CNTNAP2: variants seen among roughly 807,000 people sequenced by gnomAD.
The protein encoded by CNTNAP2 is contactin-associated protein-like 2.
Under a neutral mutation model 155.2 loss-of-function variants are expected in CNTNAP2, and 98 were observed. The ratio of observed to expected loss-of-function variants is 0.63; its 90% CI spans 0.54 to 0.75. The LOEUF (loss-of-function observed/expected upper bound fraction) is 0.75, where lower values mean the gene tolerates loss of function less well. CNTNAP2 is among the 30% of genes least tolerant of loss of function. The pLI is 0.00. For missense variants in CNTNAP2, 1,727 were observed against 1,688.1 expected, an observed-to-expected ratio of 1.02 and a Z score of -0.40; for synonymous variants, 651 against 631.2, an observed-to-expected ratio of 1.03 and a Z score of -0.47.
chr7:148,296,545 C>CAAAAAAAAAAAAA lies in CNTNAP2; in HGVS notation c.3475+29430_3475+29442dup, dbSNP rs143609414. On this transcript the variant is annotated intron_variant, in intron 21 of 23. Transcript: ENST00000361727. ...TGGGAAACAGAGCAAGACTCTGTCT[C>CAAAAAAAAAAAAA]AAAAAAAAAAAAAAAAAAAAAAATT... 2.5e-3 allele frequency among the ~76,000 whole-genome samples: 190 copies of CAAAAAAAAAAAAA among 76,568 alleles called. 11 individuals are homozygous for CAAAAAAAAAAAAA. Among genetic ancestry groups the CAAAAAAAAAAAAA allele is most frequent in the East Asian group, 9.2e-3 (18 of 1,956 alleles). The allele number at this position is 76,568 out of a possible 152,430, so 50.2% of individuals were successfully genotyped here.
At chr7:146,765,809 G>A (rs1247119586) in intron 1 of CNTNAP2, among the ~76,000 whole-genome samples, 1 of 152,178 alleles carries the variant, frequency 6.6e-6, no homozygotes, top group Non-Finnish European at 1.5e-5. Context: ...GGTAGTATTT[G>A]CGTCAGAATC....
At chr7:146,237,876 A>C (rs1417145750) in intron 1 of CNTNAP2, among the ~76,000 whole-genome samples, 1 of 152,242 alleles carries the variant, frequency 6.6e-6, no homozygotes, top group African/African-American at 2.4e-5. Context: ...TGAGCATAAA[A>C]GTGTTTTAAC....
chr7:147,656,988 C>T (rs1307293347), intron 13 of CNTNAP2, among the ~76,000 whole-genome samples: 3 of 152,088 alleles, frequency 2.0e-5, no homozygotes, highest in Admixed American at 2.0e-4. Context: ...ATAAATAACA[C>T]ACACACACTC....
Position 148,417,812 on chromosome 7 carries a change from CCT to C in CNTNAP2, c.*2197_*2198del, listed in dbSNP as rs1290010292. 1 of 152,200 alleles carries C rather than the reference CCT, an allele frequency of 6.6e-6. No homozygotes were observed. The highest frequency in any genetic ancestry group is 1.5e-5 in the Non-Finnish European group (1 of 68,032). 9.4% of individuals were successfully genotyped at this position (152,200 alleles called of 1,614,324 possible). On this transcript the variant is annotated 3_prime_UTR_variant, in exon 24 of 24. Coordinates refer to ENST00000361727, the MANE Select transcript of CNTNAP2 (RefSeq NM_014141.6). The stretch of plus-strand genomic sequence containing the variant: ...CTTTATGCATTGTCTCAACACTTTC[CCT>C]TTTTTCCCAAAATGAGTAGAGAATT...
chr7:146,568,437 G>T (rs922410507), intron 1 of CNTNAP2, among the ~76,000 whole-genome samples: 1 of 152,038 alleles, frequency 6.6e-6, no homozygotes, highest in East Asian at 1.9e-4. Context: ...TTATATTGTC[G>T]TTAATTTACT....
chr7:147,902,816 G>GTA (rs1424960638), intron 13 of CNTNAP2, among the ~76,000 whole-genome samples: 3,823 of 108,308 alleles, frequency 0.035, 25 homozygotes, highest in Middle Eastern at 0.047. Flanking sequence ...GTGTGTGTAT[G>GTA]TGTGTGTGTG....
chr7:147,819,856 T>G (rs1798335800), intron 13 of CNTNAP2, among the ~76,000 whole-genome samples: 1 of 152,216 alleles, frequency 6.6e-6, no homozygotes, highest in South Asian at 2.1e-4. Flanking sequence ...TACTCCATGT[T>G]GTTAAATGGT....
chr7:147,854,193 C>G (rs1223100941), intron 13 of CNTNAP2, among the ~76,000 whole-genome samples: 1 of 152,062 alleles, frequency 6.6e-6, no homozygotes, highest in African/African-American at 2.4e-5. Flanking sequence ...GGAAAGTTGA[C>G]TATGGGTAGA....
chr7:146,660,295 AC>A lies in CNTNAP2; in HGVS notation c.98-113973del, dbSNP rs1800064900. The stretch of plus-strand genomic sequence containing the variant: ...TTATAAAACAGACCAGTCAGCTGGT[AC>A]CCAGTGGTCTTACATACAGTCAAAG... On this transcript the variant is annotated intron_variant, in intron 1 of 23. Transcript: ENST00000361727. 2.0e-5 allele frequency among the ~76,000 whole-genome samples: 3 copies of A among 152,306 alleles called. No individual in the cohort carries two copies. The South Asian group carries it at 6.2e-4, about 32-fold the overall frequency.
At chr7:147,674,739 A>G (rs1795841385) in intron 13 of CNTNAP2, among the ~76,000 whole-genome samples, 1 of 152,156 alleles carries the variant, frequency 6.6e-6, no homozygotes, top group South Asian at 2.1e-4. Context: ...TTATTACAAT[A>G]TAGACTATAG....
chr7:146,600,176 G>A (rs1200188541), intron 1 of CNTNAP2, among the ~76,000 whole-genome samples: 1 of 152,010 alleles, frequency 6.6e-6, no homozygotes, highest in Non-Finnish European at 1.5e-5. Context: ...CAGTTTTCAG[G>A]AGCAGGAAAA....
chr7:147,382,244 A>G (rs1056597182), intron 9 of CNTNAP2, among the ~76,000 whole-genome samples: 3 of 152,170 alleles, frequency 2.0e-5, no homozygotes, highest in African/African-American at 4.8e-5. Flanking sequence ...CAGGAGCATA[A>G]CAGGATCAGA....
intron 16 of CNTNAP2, among the ~76,000 whole-genome samples, chr7:148,123,637 A>AAGGGAGAGC (rs1804647685): frequency 3.6e-5 from 1 of 27,658 alleles, no homozygotes; most frequent in Non-Finnish European, 8.0e-5. Context: ...GGAGAGCAGG[A>AAGGGAGAGC]AGGAAGGAAG....
chr7:147,270,129 G>T (rs914413072), intron 8 of CNTNAP2, among the ~76,000 whole-genome samples: 1 of 152,054 alleles, frequency 6.6e-6, no homozygotes, highest in African/African-American at 2.4e-5. Context: ...CAAACCTAAG[G>T]TTGATTTAGA....
intron 15 of CNTNAP2, among the ~76,000 whole-genome samples, chr7:148,000,953 C>T (rs1410830364): frequency 6.6e-6 from 1 of 152,182 alleles, no homozygotes; most frequent in African/African-American, 2.4e-5. Context: ...CTCACGGCAG[C>T]CCTTGGCTTA....
intron 1 of CNTNAP2, among the ~76,000 whole-genome samples, chr7:146,246,184 A>G (rs1405688109): frequency 7.3e-5 from 11 of 151,620 alleles, no homozygotes; most frequent in South Asian, 2.1e-4. Flanking sequence ...TAAGGGGTGC[A>G]TGATCGGTCG....
At chr7:148,386,236 C>T (rs1294165451) in intron 22 of CNTNAP2, among the ~76,000 whole-genome samples, 2 of 152,064 alleles carry the variant, frequency 1.3e-5, no homozygotes, top group Non-Finnish European at 2.9e-5. Flanking sequence ...ATTACAAGGA[C>T]AGAAAACAGT....
In CNTNAP2 at chr7:146,574,036, C is replaced by T. The variant is rs144565311; in HGVS notation, c.98-200235C>T. ...TACGCCATTTAACAAGAAATAGAGG[C>T]TCACTGGAACATGCTAAGAGGAAGG... On this transcript the variant is annotated intron_variant, in intron 1 of 23. Transcript: ENST00000361727. 3.4e-3 allele frequency among the ~76,000 whole-genome samples: 514 copies of T among 152,218 alleles called. 15 individuals are homozygous for T. Among genetic ancestry groups the T allele is most frequent in the Admixed American group, 0.024 (364 of 15,282 alleles).
At position 146,575,719 on chromosome 7, in the gene CNTNAP2, A is replaced by G. The variant is rs952906912; in HGVS notation, c.98-198552A>G. On this transcript the variant is annotated intron_variant, in intron 1 of 23. Transcript: ENST00000361727. ...CAAAGTTTGAAAGAAATGTAACACAATTTTATTACCAATGTCTCTAAGGCG... is the reference window on the plus strand; with the variant it reads ...CAAAGTTTGAAAGAAATGTAACACAGTTTTATTACCAATGTCTCTAAGGCG... Among the ~76,000 whole-genome samples the G allele has an allele frequency of 2.6e-5, 4 of 152,196 alleles. No homozygotes were observed. In the South Asian group the frequency reaches 8.3e-4, roughly 32 times the overall value.
Sources: gnomAD v4.1 joint callset for allele counts (sites outside exome capture counted in the v4.1 genomes callset) on GRCh38, gnomAD v4.1.1 for gene constraint, MANE v1.5 for transcripts, NCBI Gene and HGNC (gene_info 2026-07-23, HGNC 2026-07-21) for gene names.